Variants in FUS observed in about 807,000 individuals in gnomAD.
FUS encodes the protein FUS RNA binding protein, also known as RNA-binding protein FUS.
A neutral mutation model predicts 82.7 loss-of-function variants in FUS; 5 were observed. That is an observed-to-expected ratio of 0.06 (90% CI 0.03 to 0.13). The LOEUF is 0.13. Ranked by LOEUF, FUS falls within the 10% of genes least tolerant of loss-of-function variation. The pLI is 1.00. For missense variants in FUS, 512 were observed against 707.8 expected, an observed-to-expected ratio of 0.72 and a Z score of 3.14; for synonymous variants, 281 against 247.4, an observed-to-expected ratio of 1.14 and a Z score of -1.27.
At position 31,185,078 on chromosome 16, in the gene FUS, T is replaced by C; in HGVS notation, c.663T>C (p.Ser221=). ...QDRGGRGRGG[S]GGGGGGGGGG... ...GTGGAGGCCGCGGCAGGGGTGGCAG[T>C]GGTGGCGGCGGCGGCGGCGGCGGTG... Residue 221 remains serine, a synonymous_variant, in exon 6 of 15, where the codon AGT becomes AGC. Coordinates refer to ENST00000254108, the MANE Select transcript of FUS (RefSeq NM_004960.4). 1.9e-6 allele frequency: 3 copies of C among 1,608,792 alleles called. No individual in the cohort carries two copies. Among genetic ancestry groups the C allele is most frequent in the Non-Finnish European group, 1.7e-6 (2 of 1,177,606 alleles).
At chr16:31,186,691 C>CT in intron 6 of FUS, 111 bp from the exon 7 acceptor site, 8 of 1,021,976 alleles carry the variant, frequency 7.8e-6, no homozygotes, top group Non-Finnish European at 1.2e-5. Flanking sequence ...CCACTTGTAT[C>CT]TTTTTCCAAA....
At position 31,190,825 on chromosome 16, in the gene FUS, C is replaced by T. The variant is rs1131691846; in HGVS notation, c.1376C>T (p.Pro459Leu). The change falls in exon 13 of 15, where the codon CCA becomes CTA. Residue 459 changes from proline to leucine, a missense_variant. Physicochemically the swap from Pro to Leu is moderately conservative, Grantham distance 98. Around this residue, in one of 6 missense-constraint regions of FUS, gnomAD observed 96 missense variants for 120.7 expected, o/e 0.80. Coordinates refer to ENST00000254108, the MANE Select transcript of FUS (RefSeq NM_004960.4). ...AAACCAGATGGCCCAGGAGGGGGAC[C>T]AGGTGGCTCTCACATGGGTAAGAAA... is the stretch of plus-strand genomic sequence containing the variant. Reference protein sequence around the residue: ...APKPDGPGGGPGGSHMGGNYG... With the variant: ...APKPDGPGGGLGGSHMGGNYG... The T allele has an allele frequency of 2.5e-6, 4 of 1,614,020 alleles. No individual in the cohort carries two copies. The highest frequency in any genetic ancestry group is 2.2e-5 in the East Asian group (1 of 44,898).
chr16:31,188,921 C>A, intron 8 of FUS: 2 of 607,614 alleles, frequency 3.3e-6, no homozygotes, highest in South Asian at 3.9e-5. Flanking sequence ...TAACATGTTT[C>A]AAAGGATAAT....
intron 6 of FUS, 43 bp from the exon 7 acceptor site, chr16:31,186,759 C>T (rs769401803): frequency 5.6e-6 from 9 of 1,598,698 alleles, no homozygotes; most frequent in Admixed American, 3.3e-5. Context: ...CTTTTGTAGC[C>T]GTTGGAAGCT....
chr16:31,183,664 G>T, intron 3 of FUS, 194 bp from the exon 4 acceptor site: 1 of 664,598 alleles, frequency 1.5e-6, no homozygotes, highest in South Asian at 1.7e-5. Context: ...CTGTACTAAA[G>T]AGTTGGTAGA....
downstream of FUS, chr16:31,193,960 C>G (rs1298146968): frequency 1.9e-6 from 1 of 531,452 alleles, no homozygotes; most frequent in South Asian, 1.5e-5. Context: ...ATACTCTATT[C>G]TTACTGAATG....
At chr16:31,186,929 C>A in intron 7 of FUS, 93 bp downstream of exon 7, 1 of 1,330,746 alleles carries the variant, frequency 7.5e-7, no homozygotes, top group South Asian at 1.2e-5. Context: ...ATTTAAATGT[C>A]AAAGGTTTTG....
At chr16:31,194,123 T>C (rs71389498), downstream of FUS, 7 of 533,154 alleles carry the variant, frequency 1.3e-5, no homozygotes, top group African/African-American at 9.3e-5. Context: ...TCAGCTTTTT[T>C]CCCCATCTTG....
downstream of FUS, chr16:31,194,279 T>A (rs1255760636): frequency 1.9e-6 from 1 of 529,808 alleles, no homozygotes; most frequent in South Asian, 1.5e-5. Flanking sequence ...TTCCTTCCAG[T>A]CTCATCCTTT....
At chr16:31,186,653 G>A (rs2079274951) in intron 6 of FUS, 149 bp from the exon 7 acceptor site, 6 of 721,096 alleles carry the variant, frequency 8.3e-6, no homozygotes, top group African/African-American at 1.7e-5. Context: ...CAGACAAGGG[G>A]TGGTCAGGAA....
intron 1 of FUS, 123 bp downstream of exon 1, chr16:31,180,350 G>C (rs1376690833): frequency 8.6e-6 from 11 of 1,274,698 alleles, no homozygotes; most frequent in Non-Finnish European, 1.1e-5. Context: ...CCCTGTGGCG[G>C]GAAGCCGCGG....
intron 4 of FUS, 28 bp downstream of exon 4, chr16:31,184,030 C>T: frequency 6.2e-7 from 1 of 1,613,702 alleles, no homozygotes; most frequent in African/African-American, 1.3e-5. Flanking sequence ...TCGGGGAAGG[C>T]TTGAAAAGAG....
chr16:31,192,567 T>A (rs899459244), downstream of FUS: 1 of 491,888 alleles, frequency 2.0e-6, no homozygotes, highest in East Asian at 4.6e-5. Flanking sequence ...AAATTTTTAT[T>A]TTTTATTTTT....
chr16:31,192,397 T>C, downstream of FUS: 1 of 522,644 alleles, frequency 1.9e-6, no homozygotes, highest in South Asian at 1.5e-5. Context: ...ACCAGTTATT[T>C]AGCATGCTTT....
At chr16:31,192,133 C>T (rs568244706), downstream of FUS, 17 of 530,698 alleles carry the variant, frequency 3.2e-5, no homozygotes, top group African/African-American at 3.0e-4. Flanking sequence ...GTGAACAGCG[C>T]TTGGGTAGAT....
At chr16:31,193,819 C>CTT (rs753379140), downstream of FUS, 211 of 435,868 alleles carry the variant, frequency 4.8e-4, no homozygotes, top group South Asian at 2.9e-3. Flanking sequence ...TTTTTAATTA[C>CTT]TTTTTTTTTT....
intron 3 of FUS, 107 bp from the exon 4 acceptor site, chr16:31,183,751 C>G (rs2079215835): frequency 1.4e-6 from 2 of 1,394,498 alleles, no homozygotes; most frequent in Non-Finnish European, 2.0e-6. Flanking sequence ...CTAACAGCTT[C>G]TGAGAGGCTG....
intron 14 of FUS, 113 bp from the exon 15 acceptor site, chr16:31,191,286 T>G (rs1036881354): frequency 1.3e-6 from 2 of 1,501,206 alleles, no homozygotes; most frequent in African/African-American, 1.4e-5. Context: ...GTAGACCCAC[T>G]TGAGATAAGA....
chr16:31,186,986 T>A, intron 7 of FUS, 150 bp downstream of exon 7: 1 of 749,198 alleles, frequency 1.3e-6, no homozygotes, highest in Non-Finnish European at 2.4e-6. Flanking sequence ...GAATGCCACC[T>A]GTTGCCTGGT....
Sources: allele counts gnomAD v4.1 joint callset, GRCh38; gene constraint gnomAD v4.1.1; regional missense constraint gnomAD v4.1.1; transcripts MANE v1.5; gene names NCBI Gene and HGNC (gene_info 2026-07-23, HGNC 2026-07-21).